The following SCG3 variants were observed in gnomAD, a reference collection of about 807,000 sequenced individuals.
SCG3 encodes secretogranin III.
A neutral mutation model predicts 56.2 loss-of-function variants in SCG3; 38 were observed. The ratio of observed to expected loss-of-function variants is 0.68; its 90% CI spans 0.52 to 0.89. The LOEUF (loss-of-function observed/expected upper bound fraction) is 0.89, where lower values mean the gene tolerates loss of function less well. Ranked by LOEUF, SCG3 falls within the 40% of genes least tolerant of loss-of-function variation. The pLI is 0.00. For synonymous variants in SCG3, 176 were observed against 184.2 expected (o/e 0.96, Z 0.36); for missense variants, 524 against 540.7 (o/e 0.97, Z 0.31).
At chr15:51,690,605 G>T in intron 6 of SCG3, among the ~76,000 whole-genome samples, 1 of 149,216 alleles carries the variant, frequency 6.7e-6, no homozygotes. Context: ...ATCTTTTAAA[G>T]CAGCTTTTGA....
At chr15:51,717,188 T>G (rs2055462218) in intron 11 of SCG3, among the ~76,000 whole-genome samples, 1 of 152,044 alleles carries the variant, frequency 6.6e-6, no homozygotes, top group Admixed American at 6.6e-5. Flanking sequence ...GCCAATATGG[T>G]GAACCTCCAT....
intron 6 of SCG3, 105 bp downstream of exon 6, chr15:51,689,473 A>G: frequency 7.3e-7 from 1 of 1,374,380 alleles, no homozygotes; most frequent in Non-Finnish European, 9.7e-7. Context: ...GATACCAAAG[A>G]AGATTTGAGG....
chr15:51,684,625 C>G (rs1451690897), intron 4 of SCG3, among the ~76,000 whole-genome samples: 1 of 152,188 alleles, frequency 6.6e-6, no homozygotes, highest in Non-Finnish European at 1.5e-5. Flanking sequence ...GAAGCTTGCA[C>G]AGTCCTGCAT....
At chr15:51,702,854 A>G (rs1342063747) in intron 10 of SCG3, among the ~76,000 whole-genome samples, 1 of 152,192 alleles carries the variant, frequency 6.6e-6, no homozygotes, top group Admixed American at 6.5e-5. Flanking sequence ...CATCTTTGAT[A>G]TAATTGGAAC....
chr15:51,698,165 C>G (rs1310910880), intron 8 of SCG3, among the ~76,000 whole-genome samples: 6 of 152,138 alleles, frequency 3.9e-5, no homozygotes, highest in Non-Finnish European at 8.8e-5. Context: ...GAGGAGTTTA[C>G]TTGGGGAGAA....
rs530813910 is a variant in SCG3, at chr15:51,694,923, C to T, written c.869-952C>T. Among the ~76,000 whole-genome samples the T allele has an allele frequency of 1.3e-4, 20 of 151,652 alleles. 1 individual carries two copies. In the South Asian group the frequency reaches 2.1e-3, roughly 16 times the overall value. On this transcript the variant is annotated intron_variant, in intron 7 of 11. Transcript: ENST00000220478. ...GCGCACGCCTATAATCCCAGCTACT[C>T]GGGAGGCTGAGGTAGGAGAATCTCC... is the stretch of plus-strand genomic sequence containing the variant.
chr15:51,682,348 T>C (rs1454964406), intron 1 of SCG3, among the ~76,000 whole-genome samples, 169 bp from the exon 2 acceptor site: 1 of 152,152 alleles, frequency 6.6e-6, no homozygotes, highest in East Asian at 1.9e-4. Context: ...TATTGATAAT[T>C]ACTATTATTG....
At chr15:51,691,106 G>A (rs770746262) in intron 6 of SCG3, among the ~76,000 whole-genome samples, 2 of 152,176 alleles carry the variant, frequency 1.3e-5, no homozygotes, top group Non-Finnish European at 2.9e-5. Flanking sequence ...GCTGAGAACC[G>A]AAGATCAAAT....
chr15:51,703,994 G>T (rs919761983), intron 10 of SCG3, among the ~76,000 whole-genome samples: 1 of 151,636 alleles, frequency 6.6e-6, no homozygotes, highest in Non-Finnish European at 1.5e-5. Flanking sequence ...CCAATTGTTT[G>T]GTAGTGGCCC....
At chr15:51,701,818 A>AGGG (rs1251102282) in intron 10 of SCG3, among the ~76,000 whole-genome samples, 1 of 152,022 alleles carries the variant, frequency 6.6e-6, no homozygotes, top group Non-Finnish European at 1.5e-5. Flanking sequence ...AGGTGGGAGG[A>AGGG]TCTCTTGAGT....
chr15:51,681,829 G>A lies in SCG3; in HGVS notation c.74G>A (p.Gly25Glu). 5 of 1,613,682 alleles carry A rather than the reference G, an allele frequency of 3.1e-6. No homozygotes were observed. The highest frequency in any genetic ancestry group is 4.2e-6 in the Non-Finnish European group (5 of 1,179,610). The change falls in exon 1 of 12, where the codon GGA (glycine) becomes GAA (glutamate). Residue 25 changes from glycine to glutamate, a missense_variant. By Grantham distance (98) the Gly-to-Glu change is moderately conservative. Coordinates refer to ENST00000220478, the MANE Select transcript of SCG3 (RefSeq NM_013243.4). The part of the protein sequence containing the change: ...LPIQAFPKPG[G>E]SQDKSLHNRE... ...ATTCAAGCTTTCCCCAAACCTGGAG[G>A]AAGCCAAGGTATGTGAACACTTTTC...
chr15:51,688,147 A>G, intron 4 of SCG3, 113 bp from the exon 5 acceptor site: 1 of 1,020,888 alleles, frequency 9.8e-7, no homozygotes, highest in Non-Finnish European at 1.4e-6. Flanking sequence ...CACCATAAAT[A>G]CATTTCAAAC....
intron 11 of SCG3, among the ~76,000 whole-genome samples, chr15:51,714,146 T>C (rs1330582333): frequency 6.6e-6 from 1 of 152,154 alleles, no homozygotes; most frequent in African/African-American, 2.4e-5. Context: ...GAGCCATTCA[T>C]GTCCCCAGGA....
Position 51,692,225 on chromosome 15 carries a change from T to C in SCG3, c.757T>C (p.Leu253=). 6.2e-7 allele frequency: 1 copy of C among 1,614,068 alleles called. No homozygotes were observed. Among genetic ancestry groups the C allele is most frequent in the Non-Finnish European group, 8.5e-7 (1 of 1,179,968 alleles). ...AAACGATGAAACAGTATCTAACACA[T>C]TAACCTTGACAAATGGCTTGGAAAG... ...GENDETVSNT[L]TLTNGLERRT... The change falls in exon 7 of 12, where the codon TTA becomes CTA. Residue 253 remains leucine (L), a synonymous_variant. Coordinates refer to ENST00000220478, the MANE Select transcript of SCG3 (RefSeq NM_013243.4).
At chr15:51,693,374 G>A (rs1315822354) in intron 7 of SCG3, 13 of 152,180 alleles carry the variant, frequency 8.5e-5, no homozygotes, top group Non-Finnish European at 2.9e-5. Context: ...AGTTAAAATG[G>A]AGAACATTAG....
At chr15:51,719,048 C>T (rs1284169998) in intron 11 of SCG3, among the ~76,000 whole-genome samples, 1 of 152,122 alleles carries the variant, frequency 6.6e-6, no homozygotes, top group East Asian at 1.9e-4. Context: ...TGGATCCTCA[C>T]CCCAGACCTA....
intron 10 of SCG3, among the ~76,000 whole-genome samples, chr15:51,712,836 C>T (rs1476156516): frequency 2.6e-5 from 4 of 152,156 alleles, no homozygotes; most frequent in Non-Finnish European, 4.4e-5. Context: ...CCGCCCCCTG[C>T]CAGAATTGGG....
Position 51,713,416 on chromosome 15 carries a change from A to T in SCG3, c.1288+3A>T. On this transcript the variant is annotated splice_donor_region_variant and intron_variant, in intron 11 of 11. Transcript: ENST00000220478. The stretch of plus-strand genomic sequence containing the variant: ...TGACAAAAAGGGAAATAAAGAAGGT[A>T]GGACCAAGTGTGGTTGTACATTGCA... The T allele has an allele frequency of 6.3e-7, 1 of 1,585,136 alleles. No individual in the cohort carries two copies. Among genetic ancestry groups the T allele is most frequent in the Non-Finnish European group, 8.6e-7 (1 of 1,161,558 alleles).
rs1461641686 is a variant in SCG3, at chr15:51,710,164, A to G, written c.1208-3169A>G. ...TTTACTCATTGACAAATATTTCTTG[A>G]GAGCTTACTCTCTGTCAGTCTTGTT... On this transcript the variant is annotated intron_variant, in intron 10 of 11. Coordinates refer to ENST00000220478, the MANE Select transcript of SCG3 (RefSeq NM_013243.4). 3.3e-5 allele frequency among the ~76,000 whole-genome samples: 5 copies of G among 152,242 alleles called. No individual in the cohort carries two copies. The East Asian group carries it at 9.7e-4, about 29-fold the overall frequency.
Sources: allele counts gnomAD v4.1 joint callset (sites outside exome capture counted in the v4.1 genomes callset), GRCh38; gene constraint gnomAD v4.1.1; transcripts MANE v1.5; gene names NCBI Gene and HGNC (gene_info 2026-07-23, HGNC 2026-07-21).